VBP1: variants seen among roughly 807,000 people sequenced by gnomAD.
VBP1 encodes the protein VHL binding protein 1.
Under a neutral mutation model 15.5 loss-of-function variants are expected in VBP1, and 4 were observed. The ratio of observed to expected loss-of-function variants is 0.26; its 90% CI spans 0.13 to 0.59. The LOEUF (loss-of-function observed/expected upper bound fraction) is 0.59, where lower values mean the gene tolerates loss of function less well. Among genes scored for constraint, VBP1 ranks in the 20% least tolerant of loss-of-function variants. The pLI is 0.90. For synonymous variants in VBP1, 61 were observed against 52.1 expected (o/e 1.17, Z -0.74); for missense variants, 108 against 139.6 (o/e 0.77, Z 1.14).
rs1459827783 is a variant in VBP1, at chrX:155,238,921, CTT to C, written c.*81_*82del. 1.3e-6 allele frequency: 1 copy of C among 764,502 alleles called. No homozygotes were observed. The highest frequency in any genetic ancestry group is 1.8e-6 in the Non-Finnish European group (1 of 551,535). The allele number at this position is 764,502 out of a possible 1,213,427, so 63.0% of individuals were successfully genotyped here. ...CCTTTATCCTTACAGGTTGACATAA[CTT>C]TGAATGTTTTAACAGCAAGAATTTT... On this transcript the variant is annotated 3_prime_UTR_variant, in exon 6 of 6. Transcript: ENST00000286428.
At chrX:155,210,873 T>C (rs782253474) in intron 2 of VBP1, among the ~76,000 whole-genome samples, 17 of 112,069 alleles carry the variant, frequency 1.5e-4, no homozygotes, top group Non-Finnish European at 2.8e-4. Context: ...AAACTCACCT[T>C]GCCATGGGAA....
At chrX:155,219,067 T>A (rs2074677568) in intron 1 of VBP1, among the ~76,000 whole-genome samples, 1 of 112,368 alleles carries the variant, frequency 8.9e-6, no homozygotes. Flanking sequence ...CCTTTTCAAT[T>A]TCCTTTACTG....
intron 4 of VBP1, among the ~76,000 whole-genome samples, chrX:155,234,206 C>T (rs2074760951): frequency 9.6e-6 from 1 of 104,000 alleles, no homozygotes; most frequent in Non-Finnish European, 2.0e-5. Flanking sequence ...CTGCAACTTC[C>T]GCCTCCTGGG....
At chrX:155,206,243 T>TC (rs2074625768) in intron 1 of VBP1, among the ~76,000 whole-genome samples, 1 of 108,990 alleles carries the variant, frequency 9.2e-6, no homozygotes, top group Non-Finnish European at 1.9e-5. Flanking sequence ...GTAGAATTTT[T>TC]TTTTTTTTGA....
intron 1 of VBP1, among the ~76,000 whole-genome samples, chrX:155,201,847 G>T (rs752149653): frequency 9.0e-6 from 1 of 111,236 alleles, no homozygotes; most frequent in East Asian, 2.8e-4. Flanking sequence ...ACATGATTGT[G>T]TATCTAGAAA....
chrX:155,215,042 T>A (rs1557308885), upstream of VBP1, among the ~76,000 whole-genome samples: 5 of 110,776 alleles, frequency 4.5e-5, no homozygotes, highest in Non-Finnish European at 1.9e-5. Flanking sequence ...CTATATCTCT[T>A]AGAGGGATTT....
intron 2 of VBP1, chrX:155,209,128 C>T (rs1398557142): frequency 1.1e-5 from 6 of 544,312 alleles, no homozygotes; most frequent in African/African-American, 2.3e-5. Context: ...CTAACATTTT[C>T]ATCATCATAG....
chrX:155,202,449 C>T (rs1182536443), intron 1 of VBP1, among the ~76,000 whole-genome samples: 16 of 111,091 alleles, frequency 1.4e-4, no homozygotes, highest in Admixed American at 8.6e-4. Flanking sequence ...TCAGAAATAA[C>T]GCCGCATATC....
intron 1 of VBP1, among the ~76,000 whole-genome samples, chrX:155,205,435 C>T (rs1197380535): frequency 8.9e-6 from 1 of 111,955 alleles, no homozygotes; most frequent in Non-Finnish European, 1.9e-5. Flanking sequence ...TTGCTCAGGC[C>T]AAAAGCCTTG....
chrX:155,234,321 A>G (rs1476337061), intron 4 of VBP1, among the ~76,000 whole-genome samples: 1 of 108,845 alleles, frequency 9.2e-6, no homozygotes, highest in Non-Finnish European at 1.9e-5. Context: ...GGGTTTCGCC[A>G]TGTTGGCTAG....
chrX:155,216,293 C>T (rs1557308987), upstream of VBP1: 2 of 938,307 alleles, frequency 2.1e-6, no homozygotes, highest in Non-Finnish European at 2.8e-6. Flanking sequence ...CTTACCTGAG[C>T]GCAGCCAATC....
intron 1 of VBP1, among the ~76,000 whole-genome samples, chrX:155,203,614 G>A (rs1483430014): frequency 2.4e-5 from 2 of 81,971 alleles, no homozygotes; most frequent in Admixed American, 3.1e-4. Context: ...CTGTTGTGGG[G>A]TGGGGGCGGG....
At chrX:155,224,554 A>G (rs1348640663) in intron 2 of VBP1, among the ~76,000 whole-genome samples, 1 of 112,168 alleles carries the variant, frequency 8.9e-6, no homozygotes, top group African/African-American at 3.2e-5. Flanking sequence ...TGGCGGCAGT[A>G]CAGTCCAGCC....
intron 2 of VBP1, 79 bp downstream of exon 2, chrX:155,220,386 A>G: frequency 1.1e-6 from 1 of 881,636 alleles, no homozygotes; most frequent in Non-Finnish European, 1.5e-6. Flanking sequence ...TTTACATATA[A>G]TAAAATATTC....
upstream of VBP1, among the ~76,000 whole-genome samples, chrX:155,214,735 T>C (rs1284791054): frequency 4.9e-5 from 5 of 101,221 alleles, no homozygotes; most frequent in Admixed American, 5.9e-4. Context: ...GATTTGGATC[T>C]GGCAAGAGGA....
At chrX:155,227,060 A>G (rs1351364937) in intron 2 of VBP1, 175 bp from the exon 3 acceptor site, 2 of 159,066 alleles carry the variant, frequency 1.3e-5, no homozygotes, top group Non-Finnish European at 2.5e-5. Context: ...TAAATATTTT[A>G]TTTTTATAAA....
chrX:155,232,936 A>G (rs1239880113), intron 4 of VBP1, among the ~76,000 whole-genome samples: 5 of 112,876 alleles, frequency 4.4e-5, no homozygotes, highest in African/African-American at 1.6e-4. Context: ...AATGTTCATC[A>G]TAGTCGAATG....
In VBP1 at chrX:155,236,703, G is replaced by A. The variant is rs782534971; in HGVS notation, c.523+336G>A. ...TTATAAGATAATAAATAAGATATTC[G>A]GAACTAGTACTTAAATAAGTTTGTA... On this transcript the variant is annotated intron_variant, in intron 5 of 5. Transcript: ENST00000286428. Among the ~76,000 whole-genome samples, 23 of 112,628 alleles carry A rather than the reference G, an allele frequency of 2.0e-4. No homozygotes were observed. In the South Asian group the frequency reaches 5.8e-3, roughly 28 times the overall value.
At chrX:155,216,652 C>T (rs1463404012) in intron 1 of VBP1, 77 bp downstream of exon 1, 3 of 1,141,758 alleles carry the variant, frequency 2.6e-6, no homozygotes, top group Middle Eastern at 2.5e-4. Context: ...CCACCCAGGC[C>T]TCGACTGTTG....
Sources: allele counts gnomAD v4.1 joint callset (sites outside exome capture counted in the v4.1 genomes callset), GRCh38; gene constraint gnomAD v4.1.1; transcripts MANE v1.5; gene names NCBI Gene and HGNC (gene_info 2026-07-23, HGNC 2026-07-21).